Variants in ZNF827 observed in about 807,000 individuals in gnomAD.
ZNF827 encodes zinc finger protein 827.
A neutral mutation model predicts 102.4 loss-of-function variants in ZNF827; 13 were observed. The observed-to-expected ratio is 0.13, with a 90% CI of 0.08 to 0.20. The LOEUF (loss-of-function observed/expected upper bound fraction) is 0.20. Among genes scored for constraint, ZNF827 ranks in the 10% least tolerant of loss-of-function variants. ZNF827 has a pLI of 1.00. For missense variants in ZNF827, 1,103 were observed against 1,344.4 expected (o/e 0.82, Z 2.81); for synonymous variants, 523 against 536.2 (o/e 0.98, Z 0.34).
intron 8 of ZNF827, among the ~76,000 whole-genome samples, chr4:145,800,384 C>T (rs1048984307): frequency 7.3e-5 from 11 of 150,858 alleles, no homozygotes; most frequent in African/African-American, 2.2e-4. Context: ...AACAGAATCT[C>T]GCTCTGTCGC....
intron 1 of ZNF827, among the ~76,000 whole-genome samples, chr4:145,912,132 A>G (rs6821398): frequency 0.47 from 71,280 of 152,018 alleles, 18,572 homozygotes; most frequent in African/African-American, 0.68. Context: ...AAAATTATCA[A>G]AGTGCCATCA....
intron 3 of ZNF827, among the ~76,000 whole-genome samples, chr4:145,886,920 A>G (rs1261470627): frequency 6.6e-6 from 1 of 152,252 alleles, no homozygotes; most frequent in Non-Finnish European, 1.5e-5. Flanking sequence ...AAAAATTGGG[A>G]GAAACTTTTT....
chr4:145,918,432 A>T (rs1752837935), intron 1 of ZNF827, among the ~76,000 whole-genome samples: 1 of 149,564 alleles, frequency 6.7e-6, no homozygotes, highest in Non-Finnish European at 1.5e-5. Flanking sequence ...AAAAAGCGGA[A>T]TGGTGCTCTA....
intron 1 of ZNF827, among the ~76,000 whole-genome samples, chr4:145,934,515 G>A (rs1189284435): frequency 6.6e-6 from 1 of 152,210 alleles, no homozygotes; most frequent in African/African-American, 2.4e-5. Flanking sequence ...CTGAACAGAA[G>A]GAGCTGGGAA....
Position 145,775,948 on chromosome 4 carries a change from T to C in ZNF827, c.2534A>G (p.Tyr845Cys), listed in dbSNP as rs758360777. The change falls in exon 10 of 15, where the codon TAC (tyrosine) becomes TGC (cysteine). Residue 845 changes from tyrosine (Y) to cysteine (C), a missense_variant. Transcript: ENST00000508784. ...HLSLHTEERK[Y>C]KCHLCPYAAK... ...AGCATAGGGGCACAAGTGGCATTTGTATTTTCTTTCCTCTGGGGGAGAAGG... is the reference window on the plus strand; with the variant it reads ...AGCATAGGGGCACAAGTGGCATTTGCATTTTCTTTCCTCTGGGGGAGAAGG... 2.5e-6 allele frequency: 4 copies of C among 1,614,080 alleles called. No individual in the cohort carries two copies. In the African/African-American group the frequency reaches 5.3e-5, roughly 22 times the overall value.
intron 7 of ZNF827, among the ~76,000 whole-genome samples, chr4:145,826,598 T>C (rs1743706350): frequency 6.6e-6 from 1 of 152,270 alleles, no homozygotes; most frequent in African/African-American, 2.4e-5. Context: ...CAGAATATTG[T>C]TATAATTGTC....
At chr4:145,878,383 T>A (rs1270566211) in intron 4 of ZNF827, among the ~76,000 whole-genome samples, 2 of 152,090 alleles carry the variant, frequency 1.3e-5, no homozygotes, top group South Asian at 4.2e-4. Context: ...AACAGTTTTC[T>A]TAAGAGAAGT....
chr4:145,863,100 C>G (rs1384472173), intron 5 of ZNF827, among the ~76,000 whole-genome samples: 1 of 152,270 alleles, frequency 6.6e-6, no homozygotes, highest in African/African-American at 2.4e-5. Flanking sequence ...TGAATAGACA[C>G]TTCTCCAAAG....
chr4:145,834,153 T>C lies in ZNF827; in HGVS notation c.2280-10628A>G, dbSNP rs571704964. On this transcript the variant is annotated intron_variant, in intron 7 of 14. Coordinates refer to ENST00000508784, the MANE Select transcript of ZNF827 (RefSeq NM_001306215.2). ...ATACAAACTCGACAGTAGTTCCAAA[T>C]AGCCAGAAAATGGCACTTTGAATTT... Among the ~76,000 whole-genome samples, 14 of 152,286 alleles carry C rather than the reference T, an allele frequency of 9.2e-5. No individual in the cohort carries two copies. In the South Asian group the frequency reaches 2.5e-3, roughly 27 times the overall value.
intron 13 of ZNF827, chr4:145,764,785 TC>T (rs748716616): frequency 1.3e-4 from 84 of 651,502 alleles, no homozygotes; most frequent in Non-Finnish European, 2.0e-4. Flanking sequence ...AAATGGATTC[TC>T]CTACTGACAT....
intron 1 of ZNF827, among the ~76,000 whole-genome samples, chr4:145,932,176 G>C (rs972015091): frequency 6.6e-6 from 1 of 152,102 alleles, no homozygotes; most frequent in Non-Finnish European, 1.5e-5. Context: ...AGAACTGTAG[G>C]CAATACATTT....
At chr4:145,774,818 A>G in intron 10 of ZNF827, 146 bp from the exon 11 acceptor site, 2 of 950,156 alleles carry the variant, frequency 2.1e-6, no homozygotes, top group Middle Eastern at 2.3e-4. Context: ...TTGCATTAGA[A>G]AATTCTTCTG....
intron 9 of ZNF827, 50 bp downstream of exon 9, chr4:145,779,324 A>C (rs1737600954): frequency 6.3e-7 from 1 of 1,586,382 alleles, no homozygotes; most frequent in African/African-American, 1.4e-5. Flanking sequence ...AGAGTAAAGA[A>C]GTTGGTGATG....
intron 8 of ZNF827, among the ~76,000 whole-genome samples, chr4:145,807,241 A>G (rs1741542674): frequency 2.0e-5 from 3 of 152,224 alleles, no homozygotes. Context: ...GTGTATAACC[A>G]TAATTATTAA....
intron 4 of ZNF827, among the ~76,000 whole-genome samples, chr4:145,871,888 C>A (rs1748718416): frequency 6.6e-6 from 1 of 152,208 alleles, no homozygotes; most frequent in Non-Finnish European, 1.5e-5. Context: ...AGATGCAGAG[C>A]TGGGACCAGA....
chr4:145,850,541 T>C (rs1000815181), intron 5 of ZNF827, among the ~76,000 whole-genome samples: 21 of 152,198 alleles, frequency 1.4e-4, no homozygotes, highest in African/African-American at 5.1e-4. Context: ...GTGTGGCTAT[T>C]AGATGCTGGG....
chr4:145,872,249 G>A (rs1748753877), intron 4 of ZNF827, among the ~76,000 whole-genome samples: 1 of 152,170 alleles, frequency 6.6e-6, no homozygotes, highest in South Asian at 2.1e-4. Context: ...GGTAATTAAG[G>A]TTAAATGAGG....
At chr4:145,836,410 T>G (rs574106177) in intron 7 of ZNF827, among the ~76,000 whole-genome samples, 13 of 152,302 alleles carry the variant, frequency 8.5e-5, no homozygotes, top group African/African-American at 3.1e-4. Context: ...TGCTGCTGCT[T>G]TAATACTTTT....
intron 1 of ZNF827, among the ~76,000 whole-genome samples, chr4:145,918,529 C>A (rs1752847949): frequency 6.6e-6 from 1 of 150,702 alleles, no homozygotes; most frequent in Non-Finnish European, 1.5e-5. Flanking sequence ...AAAAAAATTC[C>A]GATATATGGC....
Sources: gnomAD v4.1 joint callset for allele counts (sites outside exome capture counted in the v4.1 genomes callset) on GRCh38, gnomAD v4.1.1 for gene constraint, MANE v1.5 for transcripts, NCBI Gene and HGNC (gene_info 2026-07-23, HGNC 2026-07-21) for gene names.